The following ACCS variants were observed in gnomAD, a reference collection of about 807,000 sequenced individuals.
ACCS encodes 1-aminocyclopropane-1-carboxylate synthase homolog (inactive), also known as 1-aminocyclopropane-1-carboxylate synthase-like protein 1.
In ACCS, 42 loss-of-function variants were observed where a neutral mutation model predicts 59.8. The observed-to-expected ratio is 0.70, with a 90% CI of 0.55 to 0.91. The LOEUF (loss-of-function observed/expected upper bound fraction) is 0.91. Among genes scored for constraint, ACCS ranks in the 40% least tolerant of loss-of-function variants. The pLI is 0.00. For missense variants in ACCS, 602 were observed against 630.4 expected (o/e 0.95, Z 0.48); for synonymous variants, 230 against 240.3 (o/e 0.96, Z 0.40).
intron 8 of ACCS, chr11:44,078,283 T>TGG (rs902547981): frequency 6.2e-6 from 2 of 322,608 alleles, no homozygotes; most frequent in African/African-American, 4.2e-5. Context: ...TTGCTCACTG[T>TGG]GGGGGGAGCT....
chr11:44,071,060 C>T (rs1051222616), intron 2 of ACCS, among the ~76,000 whole-genome samples, 196 bp from the exon 3 acceptor site: 3 of 152,118 alleles, frequency 2.0e-5, no homozygotes, highest in African/African-American at 7.2e-5. Context: ...GGCATTTGGA[C>T]AGAGCTTTAG....
rs750136603 is a variant in ACCS, at chr11:44,074,691, C to A, written c.489+10C>A. On this transcript the variant is annotated intron_variant, in intron 5 of 14. Transcript: ENST00000263776. ...CCTCAGACCAGAGAATGTGAGTGGCCCCCTCCACTGCTCCTTCCTGTTCTC... is the reference window on the plus strand; with the variant it reads ...CCTCAGACCAGAGAATGTGAGTGGCACCCTCCACTGCTCCTTCCTGTTCTC... 6 of 1,570,550 alleles carry A rather than the reference C, an allele frequency of 3.8e-6. No homozygotes were observed. Among genetic ancestry groups the A allele is most frequent in the Non-Finnish European group, 5.2e-6 (6 of 1,158,476 alleles).
intron 1 of ACCS, 132 bp downstream of exon 1, chr11:44,066,833 A>G (rs934643975): frequency 2.0e-5 from 3 of 152,270 alleles, no homozygotes; most frequent in Non-Finnish European, 4.4e-5. Flanking sequence ...GTTGTGCATC[A>G]GGACTGGGAA....
chr11:44,081,194 G>A lies in ACCS; in HGVS notation c.985G>A (p.Gly329Arg), dbSNP rs757462274. 6.2e-7 allele frequency: 1 copy of A among 1,614,228 alleles called. No homozygotes were observed. ...CTTCCTGCAGGACTTCGGGATGTCT[G>A]GGCTCCGCTTTGGCACGCTGTACAC... ...WATSKDFGMS[G>R]LRFGTLYTEN... The change falls in exon 12 of 15, where the codon GGG becomes AGG. Residue 329 changes from glycine to arginine, a missense_variant. Transcript: ENST00000263776.
chr11:44,083,263 C>G lies in ACCS; in HGVS notation c.1206C>G (p.Pro402=). Residue 402 remains proline, a synonymous_variant, in exon 13 of 15, where the codon CCC becomes CCG. Coordinates refer to ENST00000263776, the MANE Select transcript of ACCS (RefSeq NM_032592.4). ...VSEELRALGI[P]FLSRGAGFFI... ...AAGAGCTTAGGGCATTGGGGATCCC[C>G]TTCTTGAGTCGTGGGGCTGGCTTCT... is the stretch of plus-strand genomic sequence containing the variant. 1 of 1,614,156 alleles carries G rather than the reference C, an allele frequency of 6.2e-7. No individual in the cohort carries two copies. The highest frequency in any genetic ancestry group is 1.3e-5 in the African/African-American group (1 of 75,034).
intron 8 of ACCS, 179 bp downstream of exon 8, chr11:44,078,101 G>A: frequency 1.3e-6 from 1 of 777,134 alleles, no homozygotes; most frequent in Admixed American, 3.3e-5. Context: ...GCCCAGGGAG[G>A]GTCTTCCCTT....
rs369723942 is a variant in ACCS, at chr11:44,077,847, C to T, written c.657C>T (p.Val219=). The T allele has an allele frequency of 1.1e-5, 17 of 1,613,110 alleles. No individual in the cohort carries two copies. Among genetic ancestry groups the T allele is most frequent in the South Asian group, 8.8e-5 (8 of 90,878 alleles). Residue 219 remains valine, a splice_region_variant and synonymous_variant, in exon 8 of 15, where the codon GTC becomes GTT. Transcript: ENST00000263776. ...RLAYVYLDSE[V]TGLDTRPFQL... is the part of the protein sequence containing the mutation. The stretch of plus-strand genomic sequence containing the variant: ...GGCTCTGATGGGTCTTTTTCCAGGT[C>T]ACTGGGCTAGACACACGCCCCTTCC...
intron 2 of ACCS, 94 bp downstream of exon 2, chr11:44,068,009 A>G: frequency 7.2e-7 from 1 of 1,390,620 alleles, no homozygotes; most frequent in Non-Finnish European, 9.6e-7. Context: ...GCCTGCTCTT[A>G]TGAGGTTGGA....
chr11:44,076,119 C>G (rs1565177466), intron 6 of ACCS, among the ~76,000 whole-genome samples: 1 of 152,188 alleles, frequency 6.6e-6, no homozygotes, highest in Non-Finnish European at 1.5e-5. Flanking sequence ...GCTGGTCATA[C>G]CTGAAGAAAC....
Position 44,078,737 on chromosome 11 carries a change from T to G in ACCS, c.786T>G (p.Asp262Glu). ...TCAGCCCCCAGAACCCTCTGGGTGATGTATACTCCCCTGAAGAGCTACAGG... is the reference window on the plus strand; with the variant it reads ...TCAGCCCCCAGAACCCTCTGGGTGAGGTATACTCCCCTGAAGAGCTACAGG... ...ILISPQNPLG[D>E]VYSPEELQEY... is the part of the protein sequence containing the mutation. Residue 262 changes from aspartate (D) to glutamate (E), a missense_variant, in exon 9 of 15, where the codon GAT becomes GAG. Coordinates refer to ENST00000263776, the MANE Select transcript of ACCS (RefSeq NM_032592.4). 1 of 1,614,058 alleles carries G rather than the reference T, an allele frequency of 6.2e-7. No individual in the cohort carries two copies. The highest frequency in any genetic ancestry group is 1.1e-5 in the South Asian group (1 of 91,064).
At position 44,083,842 on chromosome 11, in the gene ACCS, G is replaced by C; in HGVS notation, c.*50G>C. 2 of 1,554,758 alleles carry C rather than the reference G, an allele frequency of 1.3e-6. No homozygotes were observed. The highest frequency in any genetic ancestry group is 1.7e-6 in the Non-Finnish European group (2 of 1,149,174). ...GGGCCCAGCAGCCACTGTGGACCTGGGGCGTTCTGGGGCTGCAGAAGACTG... is the reference window on the plus strand; with the variant it reads ...GGGCCCAGCAGCCACTGTGGACCTGCGGCGTTCTGGGGCTGCAGAAGACTG... On this transcript the variant is annotated 3_prime_UTR_variant, in exon 15 of 15. Transcript: ENST00000263776.
At chr11:44,073,596 TG>T in intron 4 of ACCS, 79 bp downstream of exon 4, 1 of 1,439,636 alleles carries the variant, frequency 6.9e-7, no homozygotes, top group Non-Finnish European at 9.4e-7. Flanking sequence ...TTGTTATAAC[TG>T]GGAAGTCAGG....
rs141138210 is a variant in ACCS at position 44,074,941 on chromosome 11, C to T, written c.489+260C>T. Among the ~76,000 whole-genome samples the T allele has an allele frequency of 6.6e-3, 1,007 of 151,452 alleles. 13 individuals carry two copies. Among genetic ancestry groups the T allele is most frequent in the African/African-American group, 0.023 (948 of 41,160 alleles). On this transcript the variant is annotated intron_variant, in intron 5 of 14. Transcript: ENST00000263776. ...TTGTGTTTAAGTGATTCTCTTGCCT[C>T]AGCCTCCCGAGTAGGTGGGATTACA...
chr11:44,067,891 G>T lies in ACCS; in HGVS notation c.264G>T (p.Glu88Asp). 6.2e-7 allele frequency: 1 copy of T among 1,609,786 alleles called. No individual in the cohort carries two copies. The highest frequency in any genetic ancestry group is 2.2e-5 in the East Asian group (1 of 44,864). Residue 88 changes from glutamate (E) to aspartate (D), a missense_variant, in exon 2 of 15, where the codon GAG becomes GAT. Physicochemically the swap from Glu to Asp is conservative, Grantham distance 45 (BLOSUM62 2). Transcript: ENST00000263776. Reference protein sequence around the residue: ...EEGYRTYHMDEYDEDKNPSGI... With the variant: ...EEGYRTYHMDDYDEDKNPSGI... ...GCTACAGGACCTACCACATGGATGAGTATGATGAGGACAAGAACCCCAGTG... is the reference window on the plus strand; with the variant it reads ...GCTACAGGACCTACCACATGGATGATTATGATGAGGACAAGAACCCCAGTG...
intron 7 of ACCS, 147 bp from the exon 8 acceptor site, chr11:44,077,698 T>C: frequency 2.7e-6 from 4 of 1,457,028 alleles, no homozygotes; most frequent in Non-Finnish European, 3.6e-6. Context: ...TGGATGGCAG[T>C]AAGAGGGAGG....
intron 7 of ACCS, 110 bp downstream of exon 7, chr11:44,077,486 A>G (rs1953430809): frequency 6.5e-7 from 1 of 1,541,482 alleles, no homozygotes; most frequent in Non-Finnish European, 8.7e-7. Context: ...TGTGATGAGT[A>G]GGGAATGGAG....
rs1485231921 is a variant in ACCS, at chr11:44,079,153, C to T, written c.833+369C>T. 22 of 361,802 alleles carry T rather than the reference C, an allele frequency of 6.1e-5. No homozygotes were observed. In the South Asian group the frequency reaches 6.9e-4, roughly 11 times the overall value. 22.4% of individuals were successfully genotyped at this position (361,802 alleles called of 1,614,324 possible). ...CCTTACAACAATCCTTACAACAATC[C>T]TCACAACAACCCTACTGATGCTGTT... On this transcript the variant is annotated intron_variant, in intron 9 of 14. Coordinates refer to ENST00000263776, the MANE Select transcript of ACCS (RefSeq NM_032592.4).
intron 3 of ACCS, among the ~76,000 whole-genome samples, chr11:44,071,901 A>G (rs1953067484): frequency 6.6e-6 from 1 of 152,212 alleles, no homozygotes; most frequent in Admixed American, 6.5e-5. Context: ...TTGTCAGTTT[A>G]TATTAATTTG....
Position 44,083,752 on chromosome 11 carries a change from G to T in ACCS, c.1466G>T (p.Arg489Leu). The T allele has an allele frequency of 6.2e-7, 1 of 1,613,884 alleles. No homozygotes were observed. Among genetic ancestry groups the T allele is most frequent in the Non-Finnish European group, 8.5e-7 (1 of 1,179,870 alleles). Residue 489 changes from arginine (R) to leucine (L), a missense_variant, in exon 15 of 15, where the codon CGT (arginine) becomes CTT (leucine). Physicochemically the swap from Arg to Leu is moderately radical, Grantham distance 102. Coordinates refer to ENST00000263776, the MANE Select transcript of ACCS (RefSeq NM_032592.4). Reference sequence around the variant, plus strand: ...AAATCCCAAGTGGCAGAAGACCCCCGTCCCTCTCAGAGCCAGGAGCCAAGT... The same window carrying T: ...AAATCCCAAGTGGCAGAAGACCCCCTTCCCTCTCAGAGCCAGGAGCCAAGT... ...AGKSQVAEDPRPSQSQEPSDQ... is the reference protein window; with the variant it reads ...AGKSQVAEDPLPSQSQEPSDQ...
Sources: allele counts gnomAD v4.1 joint callset (sites outside exome capture counted in the v4.1 genomes callset), GRCh38; gene constraint gnomAD v4.1.1; transcripts MANE v1.5; gene names NCBI Gene and HGNC (gene_info 2026-07-23, HGNC 2026-07-21).